KCNH1: variants seen among roughly 807,000 people sequenced by gnomAD.
The protein encoded by KCNH1 is voltage-gated delayed rectifier potassium channel KCNH1.
KCNH1 carries 27 observed loss-of-function variants against 69.2 expected under a neutral mutation model. The ratio of observed to expected loss-of-function variants is 0.39; its 90% CI spans 0.29 to 0.54. The LOEUF (loss-of-function observed/expected upper bound fraction) is 0.54. Among genes scored for constraint, KCNH1 ranks in the 20% least tolerant of loss-of-function variants. The pLI, the probability that KCNH1 is intolerant of heterozygous loss-of-function variation, is 0.68. For synonymous variants in KCNH1, 456 were observed against 487.7 expected (o/e 0.93, Z 0.86); for missense variants, 798 against 1,261.6 (o/e 0.63, Z 5.57).
intron 6 of KCNH1, among the ~76,000 whole-genome samples, chr1:210,936,325 C>G (rs1687773748): frequency 6.6e-6 from 1 of 152,188 alleles, no homozygotes; most frequent in Admixed American, 6.5e-5. Flanking sequence ...AAATTCCCAG[C>G]CTCAACATCT....
At chr1:210,979,531 A>T (rs1252569352) in intron 6 of KCNH1, among the ~76,000 whole-genome samples, 6 of 152,106 alleles carry the variant, frequency 3.9e-5, no homozygotes, top group Non-Finnish European at 7.4e-5. Flanking sequence ...CCATTGAGTG[A>T]ATTTTCCATT....
intron 7 of KCNH1, among the ~76,000 whole-genome samples, chr1:210,867,551 C>G (rs1274064170): frequency 6.6e-6 from 1 of 151,902 alleles, no homozygotes; most frequent in Non-Finnish European, 1.5e-5. Flanking sequence ...TTACATGTGA[C>G]AAAGTACTCC....
intron 10 of KCNH1, among the ~76,000 whole-genome samples, chr1:210,761,125 G>A (rs1425980719): frequency 4.0e-5 from 6 of 149,184 alleles, no homozygotes; most frequent in Non-Finnish European, 6.0e-5. Context: ...AGTGGCGGGC[G>A]CCTGTAGTCC....
chr1:210,906,862 A>G (rs1226978053), intron 7 of KCNH1, among the ~76,000 whole-genome samples: 1 of 152,240 alleles, frequency 6.6e-6, no homozygotes, highest in Non-Finnish European at 1.5e-5. Flanking sequence ...CACTGATGCC[A>G]TGCTGATCAA....
At chr1:210,934,278 T>A (rs1687733098) in intron 6 of KCNH1, among the ~76,000 whole-genome samples, 1 of 152,138 alleles carries the variant, frequency 6.6e-6, no homozygotes, top group Non-Finnish European at 1.5e-5. Flanking sequence ...AAACTCTCCA[T>A]CCAACAAGGA....
chr1:210,714,049 C>T (rs1025170082), intron 10 of KCNH1, among the ~76,000 whole-genome samples: 1 of 152,122 alleles, frequency 6.6e-6, no homozygotes, highest in Non-Finnish European at 1.5e-5. Flanking sequence ...AATATGCTGC[C>T]TGCCCTGCTC....
intron 7 of KCNH1, among the ~76,000 whole-genome samples, chr1:210,899,857 C>G (rs151199088): frequency 5.0e-4 from 76 of 152,320 alleles, no homozygotes; most frequent in African/African-American, 1.8e-3. Context: ...CTATGTCTGT[C>G]AAATGCTAAG....
At chr1:210,783,785 T>A (rs1340514635) in intron 9 of KCNH1, among the ~76,000 whole-genome samples, 1 of 152,202 alleles carries the variant, frequency 6.6e-6, no homozygotes, top group African/African-American at 2.4e-5. Flanking sequence ...TAAGCTTCCA[T>A]CTTGTCTAAG....
chr1:210,860,939 T>C, intron 7 of KCNH1: 4 of 954,778 alleles, frequency 4.2e-6, no homozygotes, highest in East Asian at 4.8e-5. Flanking sequence ...TCATTACAGA[T>C]CTTTTTCTTC....
intron 10 of KCNH1, among the ~76,000 whole-genome samples, chr1:210,708,150 G>C (rs570968570): frequency 1.8e-4 from 28 of 152,230 alleles, no homozygotes; most frequent in Admixed American, 3.3e-4. Flanking sequence ...GCAAAGAAGG[G>C]GTGTCCCCCA....
intron 7 of KCNH1, among the ~76,000 whole-genome samples, chr1:210,813,839 T>C (rs1187663610): frequency 6.6e-6 from 1 of 152,112 alleles, no homozygotes; most frequent in Non-Finnish European, 1.5e-5. Flanking sequence ...AACTGAATCA[T>C]GGGGGTGGGT....
intron 7 of KCNH1, among the ~76,000 whole-genome samples, chr1:210,814,758 C>T (rs1207106729): frequency 6.6e-6 from 1 of 152,200 alleles, no homozygotes; most frequent in Non-Finnish European, 1.5e-5. Context: ...TCTTAGTTTT[C>T]TTTCCTGAAC....
chr1:211,021,643 A>C (rs533798290), intron 5 of KCNH1, among the ~76,000 whole-genome samples: 41 of 152,220 alleles, frequency 2.7e-4, no homozygotes, highest in Non-Finnish European at 4.6e-4. Context: ...GTTGCAGGAT[A>C]CAAAACTCAA....
intron 6 of KCNH1, among the ~76,000 whole-genome samples, chr1:210,966,398 C>G (rs1197566181): frequency 6.6e-6 from 1 of 152,158 alleles, no homozygotes; most frequent in Non-Finnish European, 1.5e-5. Flanking sequence ...TTTAATTAGA[C>G]TAAAGAGCTT....
intron 10 of KCNH1, among the ~76,000 whole-genome samples, chr1:210,692,598 A>T (rs1033396829): frequency 1.3e-5 from 2 of 152,184 alleles, no homozygotes; most frequent in Non-Finnish European, 2.9e-5. Flanking sequence ...CAAGGTAAGG[A>T]TCTCAAGATG....
At chr1:210,981,039 A>G (rs1297017187) in intron 6 of KCNH1, among the ~76,000 whole-genome samples, 1 of 152,102 alleles carries the variant, frequency 6.6e-6, no homozygotes, top group Non-Finnish European at 1.5e-5. Flanking sequence ...CATAATAGGA[A>G]CTCTTATATC....
intron 7 of KCNH1, among the ~76,000 whole-genome samples, chr1:210,914,104 T>G (rs943295599): frequency 3.3e-5 from 5 of 152,124 alleles, no homozygotes; most frequent in Non-Finnish European, 1.5e-5. Flanking sequence ...CCCCAAACTT[T>G]TAGAAAATTT....
At chr1:210,704,886 C>T (rs1325925557) in intron 10 of KCNH1, among the ~76,000 whole-genome samples, 1 of 152,204 alleles carries the variant, frequency 6.6e-6, no homozygotes, top group Non-Finnish European at 1.5e-5. Flanking sequence ...TTTGCAGAGC[C>T]AGGGACGGCA....
chr1:210,926,085 C>T (rs897899999), intron 6 of KCNH1, among the ~76,000 whole-genome samples: 4 of 152,160 alleles, frequency 2.6e-5, no homozygotes, highest in African/African-American at 9.7e-5. Flanking sequence ...ATGGTGAAAC[C>T]CCATCTCTAC....
Sources: gnomAD v4.1 joint callset for allele counts (sites outside exome capture counted in the v4.1 genomes callset) on GRCh38, gnomAD v4.1.1 for gene constraint, MANE v1.5 for transcripts, NCBI Gene and HGNC (gene_info 2026-07-23, HGNC 2026-07-21) for gene names.